Variants in SORCS2 observed in about 807,000 individuals in gnomAD.
SORCS2 encodes sortilin related VPS10 domain containing receptor 2.
A neutral mutation model predicts 141.6 loss-of-function variants in SORCS2; 100 were observed. The observed-to-expected ratio is 0.71, with a 90% CI of 0.60 to 0.83. The LOEUF is 0.83. SORCS2 is among the 40% of genes least tolerant of loss of function. The pLI is 0.00. For missense variants in SORCS2, 1,646 were observed against 1,560.2 expected, an observed-to-expected ratio of 1.05 and a Z score of -0.93; for synonymous variants, 789 against 676.9, an observed-to-expected ratio of 1.17 and a Z score of -2.57.
chr4:7,602,696 C>T (rs936516073), intron 3 of SORCS2, among the ~76,000 whole-genome samples: 10 of 151,296 alleles, frequency 6.6e-5, no homozygotes, highest in Non-Finnish European at 5.9e-5. Context: ...GGCAGAGGGG[C>T]TCCTCACATC....
chr4:7,487,819 G>A (rs1026839908), intron 2 of SORCS2, among the ~76,000 whole-genome samples: 3 of 152,146 alleles, frequency 2.0e-5, no homozygotes, highest in Non-Finnish European at 4.4e-5. Flanking sequence ...CTCTGGCTGT[G>A]TGCTCTCTGC....
At chr4:7,631,420 G>A (rs1719888528) in intron 3 of SORCS2, among the ~76,000 whole-genome samples, 1 of 151,460 alleles carries the variant, frequency 6.6e-6, no homozygotes, top group Non-Finnish European at 1.5e-5. Context: ...GGCCAGCTCA[G>A]CATCTCCCGG....
chr4:7,639,792 T>C (rs1320507190), intron 4 of SORCS2, among the ~76,000 whole-genome samples: 2 of 151,404 alleles, frequency 1.3e-5, no homozygotes, highest in African/African-American at 4.9e-5. Flanking sequence ...TGTGGGTATG[T>C]ATGGGTGAGG....
In SORCS2 at chr4:7,737,142, C is replaced by G. The variant is rs1238798899; in HGVS notation, c.3385C>G (p.His1129Asp). Reference protein sequence around the residue: ...KEQEMTSPVSHSEDVQGAVQG... With the variant: ...KEQEMTSPVSDSEDVQGAVQG... ...GCAGGAGATGACCAGCCCTGTGAGTCACAGTGAGGACGTCCAGGGCGCTGT... is the reference window on the plus strand; with the variant it reads ...GCAGGAGATGACCAGCCCTGTGAGTGACAGTGAGGACGTCCAGGGCGCTGT... The change falls in exon 26 of 27, where the codon CAC becomes GAC. Residue 1129 changes from histidine (H) to aspartate (D), a missense_variant. Coordinates refer to ENST00000507866, the MANE Select transcript of SORCS2 (RefSeq NM_020777.3). 2 of 1,551,400 alleles carry G rather than the reference C, an allele frequency of 1.3e-6. No individual in the cohort carries two copies. The highest frequency in any genetic ancestry group is 1.7e-6 in the Non-Finnish European group (2 of 1,146,944).
intron 2 of SORCS2, among the ~76,000 whole-genome samples, chr4:7,449,932 G>A (rs751492993): frequency 2.6e-5 from 4 of 152,174 alleles, no homozygotes; most frequent in Admixed American, 1.3e-4. Context: ...GAAAATTCTC[G>A]ATCCTTGAAA....
chr4:7,602,506 T>C (rs1302873576), intron 3 of SORCS2, among the ~76,000 whole-genome samples: 1 of 144,196 alleles, frequency 6.9e-6, no homozygotes, highest in Non-Finnish European at 1.5e-5. Flanking sequence ...GCTCCCCACA[T>C]CTCAGACGAT....
At chr4:7,324,200 G>T (rs1201821964) in intron 1 of SORCS2, among the ~76,000 whole-genome samples, 1 of 152,230 alleles carries the variant, frequency 6.6e-6, no homozygotes, top group Admixed American at 6.5e-5. Context: ...CCTCCCTGAC[G>T]AGATGGCTTT....
intron 2 of SORCS2, among the ~76,000 whole-genome samples, chr4:7,406,876 T>G (rs370599593): frequency 1.3e-5 from 2 of 152,108 alleles, no homozygotes; most frequent in African/African-American, 4.8e-5. Flanking sequence ...TTGGGTGTGT[T>G]GTGTTTCCAT....
chr4:7,718,157 G>A lies in SORCS2; in HGVS notation c.2398G>A (p.Val800Ile), dbSNP rs1371818196. Residue 800 changes from valine (V) to isoleucine (I), a missense_variant, in exon 18 of 27, where the codon GTC becomes ATC. Val to Ile is a conservative substitution (Grantham distance 29, BLOSUM62 3). Coordinates refer to ENST00000507866, the MANE Select transcript of SORCS2 (RefSeq NM_020777.3). ...EAVAVRPGED[V>I]LFVVRQEQGD... ...GGTGGCCGTGCGGCCTGGAGAGGAC[G>A]TCCTGTTTGTGGTGCGGCAGGAGCA... 13 of 1,611,104 alleles carry A rather than the reference G, an allele frequency of 8.1e-6. No homozygotes were observed. Among genetic ancestry groups the A allele is most frequent in the Middle Eastern group, 1.8e-4 (1 of 5,546 alleles).
At chr4:7,518,870 G>A (rs764299118) in intron 2 of SORCS2, among the ~76,000 whole-genome samples, 1 of 151,942 alleles carries the variant, frequency 6.6e-6, no homozygotes, top group African/African-American at 2.4e-5. Flanking sequence ...GGCTGTGTCC[G>A]GATCATCGGA....
chr4:7,198,059 G>A (rs1329953595), intron 1 of SORCS2, among the ~76,000 whole-genome samples: 1 of 152,188 alleles, frequency 6.6e-6, no homozygotes, highest in Non-Finnish European at 1.5e-5. Context: ...GGGGGATGGG[G>A]CTGGTGAGGG....
chr4:7,218,246 C>T (rs1728492740), intron 1 of SORCS2, among the ~76,000 whole-genome samples: 1 of 152,322 alleles, frequency 6.6e-6, no homozygotes, highest in South Asian at 2.1e-4. Context: ...GGCTCACCTC[C>T]CATCCAGGCA....
chr4:7,562,135 G>T (rs1338940146), intron 3 of SORCS2, among the ~76,000 whole-genome samples: 1 of 152,188 alleles, frequency 6.6e-6, no homozygotes, highest in Non-Finnish European at 1.5e-5. Context: ...CTTCTCGATT[G>T]ATTATAATTC....
At chr4:7,602,016 G>A (rs1047285678) in intron 3 of SORCS2, among the ~76,000 whole-genome samples, 1 of 152,184 alleles carries the variant, frequency 6.6e-6, no homozygotes, top group African/African-American at 2.4e-5. Flanking sequence ...GCATCCCAAG[G>A]CAGAAGAATT....
intron 2 of SORCS2, among the ~76,000 whole-genome samples, chr4:7,453,180 G>A (rs1363959467): frequency 1.4e-5 from 2 of 143,544 alleles, no homozygotes; most frequent in African/African-American, 5.3e-5. Context: ...GTCAGGCTCT[G>A]TGTTGGGGTC....
rs376151286 is a variant in SORCS2, at chr4:7,464,893, A to C, written c.549-66637A>C. Among the ~76,000 whole-genome samples the C allele has an allele frequency of 4.0e-3, 603 of 152,300 alleles. 1 individual carries two copies. Among genetic ancestry groups the C allele is most frequent in the Middle Eastern group, 0.01 (3 of 294 alleles). The stretch of plus-strand genomic sequence containing the variant: ...GTGGGTGATGCTGCCTTCCTTCTAA[A>C]AGCCGGCGCCTCCGGCCATGGGTCC... On this transcript the variant is annotated intron_variant, in intron 2 of 26. Coordinates refer to ENST00000507866, the MANE Select transcript of SORCS2 (RefSeq NM_020777.3).
intron 8 of SORCS2, among the ~76,000 whole-genome samples, chr4:7,674,611 C>T (rs1722998445): frequency 6.8e-6 from 1 of 147,794 alleles, no homozygotes; most frequent in Non-Finnish European, 1.5e-5. Context: ...AAAAAGCAAC[C>T]CTCTCCTTTT....
intron 3 of SORCS2, among the ~76,000 whole-genome samples, chr4:7,537,866 G>A (rs980839215): frequency 3.9e-5 from 6 of 152,114 alleles, no homozygotes; most frequent in African/African-American, 1.4e-4. Context: ...GGCACGTATG[G>A]TCCCAGCTAC....
intron 2 of SORCS2, among the ~76,000 whole-genome samples, chr4:7,489,132 T>C (rs1189616475): frequency 6.6e-6 from 1 of 152,208 alleles, no homozygotes; most frequent in Non-Finnish European, 1.5e-5. Flanking sequence ...AGATGGAGGC[T>C]GAAATCCGTG....
Sources: gnomAD v4.1 joint callset for allele counts (sites outside exome capture counted in the v4.1 genomes callset) on GRCh38, gnomAD v4.1.1 for gene constraint, MANE v1.5 for transcripts, NCBI Gene and HGNC (gene_info 2026-07-23, HGNC 2026-07-21) for gene names.